The following PNPLA5 variants were observed in gnomAD, a reference collection of about 807,000 sequenced individuals.
PNPLA5 encodes the protein patatin-like phospholipase domain-containing protein 5.
Under a neutral mutation model 49.1 loss-of-function variants are expected in PNPLA5, and 44 were observed. That is an observed-to-expected ratio of 0.90 (90% CI 0.70 to 1.15). The LOEUF (loss-of-function observed/expected upper bound fraction) is 1.15. Ranked by LOEUF, PNPLA5 falls within the 50% of genes most tolerant of loss-of-function variation. The pLI, the probability that PNPLA5 is intolerant of heterozygous loss-of-function variation, is 0.00. For synonymous variants in PNPLA5, 243 were observed against 244.4 expected (o/e 0.99, Z 0.06); for missense variants, 603 against 564.0 (o/e 1.07, Z -0.70).
intron 2 of PNPLA5, chr22:43,890,150 CTCCT>C: frequency 1.1e-6 from 1 of 875,626 alleles, no homozygotes; most frequent in South Asian, 5.3e-5. Flanking sequence ...GTGGCCCAGA[CTCCT>C]TGCCTGTGTA....
rs1055516288 is a variant in PNPLA5, at chr22:43,891,725, C to A, written c.156G>T (p.Ala52=). 1.6e-5 allele frequency: 24 copies of A among 1,547,390 alleles called. No individual in the cohort carries two copies. The highest frequency in any genetic ancestry group is 1.9e-5 in the Non-Finnish European group (22 of 1,145,864). Residue 52 remains alanine (A), a synonymous_variant, in exon 1 of 9, where the codon GCG becomes GCT. Coordinates refer to ENST00000216177, the MANE Select transcript of PNPLA5 (RefSeq NM_138814.4). ...CGCAGACGATGCTGACTGCGTTGAG[C>A]GCCCCAGACGAGGAACCGTAGATGC... ...ARRIYGSSSG[A]LNAVSIVCGK...
chr22:43,880,743 CA>C lies in PNPLA5; in HGVS notation c.*51del. 1.6e-6 allele frequency: 2 copies of C among 1,280,604 alleles called. No homozygotes were observed. Among genetic ancestry groups the C allele is most frequent in the Non-Finnish European group, 2.0e-6 (2 of 1,007,524 alleles). 79.3% of individuals were successfully genotyped at this position (1,280,604 alleles called of 1,614,324 possible). A position where few individuals can be genotyped will look rare whatever the true frequency, so the allele number is the denominator to read the frequency against. Reference sequence around the variant, plus strand: ...AGATGTGGGCACACAGGACAAAGGCCAGAGCAGGAATCAAGGGACACCAGTC... The same window carrying C: ...AGATGTGGGCACACAGGACAAAGGCCGAGCAGGAATCAAGGGACACCAGTC... On this transcript the variant is annotated 3_prime_UTR_variant, in exon 9 of 9. Coordinates refer to ENST00000216177, the MANE Select transcript of PNPLA5 (RefSeq NM_138814.4).
intron 6 of PNPLA5, among the ~76,000 whole-genome samples, chr22:43,884,951 CAA>C (rs2049647112): frequency 6.6e-6 from 1 of 152,198 alleles, no homozygotes; most frequent in Admixed American, 6.5e-5. Context: ...CGGAGGATTA[CAA>C]GGATTCACAG....
chr22:43,881,702 C>T (rs980535290), intron 7 of PNPLA5, 28 bp from the exon 8 acceptor site: 34 of 1,609,222 alleles, frequency 2.1e-5, no homozygotes, highest in Non-Finnish European at 2.8e-5. Flanking sequence ...TCAGCTTTGC[C>T]CAGGTGAGCC....
chr22:43,884,193 G>A lies in PNPLA5; in HGVS notation c.1082+20C>T. 6.6e-7 allele frequency: 1 copy of A among 1,518,256 alleles called. No homozygotes were observed. Among genetic ancestry groups the A allele is most frequent in the Non-Finnish European group, 8.9e-7 (1 of 1,129,562 alleles). The allele number at this position is 1,518,256 out of a possible 1,614,324, so 94.0% of individuals were successfully genotyped here. A position where few individuals can be genotyped will look rare whatever the true frequency, so the allele number is the denominator to read the frequency against. ...CCGCCACAAGCCAGGCCCTTCCCAG[G>A]CCCCCTGGCCGAGCCTTACCTTCTG... On this transcript the variant is annotated intron_variant, in intron 7 of 8. Transcript: ENST00000216177.
chr22:43,891,508 T>C, intron 1 of PNPLA5, 180 bp downstream of exon 1: 1 of 869,346 alleles, frequency 1.2e-6, no homozygotes, highest in Non-Finnish European at 1.4e-6. Flanking sequence ...TGAGCCACGA[T>C]CCCTCCTCTG....
At chr22:43,883,584 C>T (rs1034254313) in intron 7 of PNPLA5, among the ~76,000 whole-genome samples, 4 of 152,036 alleles carry the variant, frequency 2.6e-5, no homozygotes, top group African/African-American at 9.7e-5. Flanking sequence ...GCGAGGCGGG[C>T]GGATTGCCTG....
chr22:43,891,112 C>G lies in PNPLA5; in HGVS notation c.376G>C (p.Gly126Arg), dbSNP rs200111581. The part of the protein sequence containing the change: ...LGISLTRWPD[G>R]RNFLVTDFAT... ...AAGTCAGTGACCAAGAAGTTGCGTCCGTCAGGCCAGCGGGTCAGCGAAATG... is the reference window on the plus strand; with the variant it reads ...AAGTCAGTGACCAAGAAGTTGCGTCGGTCAGGCCAGCGGGTCAGCGAAATG... The change falls in exon 2 of 9, where the codon GGA becomes CGA. Residue 126 changes from glycine to arginine, a missense_variant. Transcript: ENST00000216177. 3.2e-5 allele frequency: 52 copies of G among 1,610,112 alleles called. No individual in the cohort carries two copies. The highest frequency in any genetic ancestry group is 4.5e-5 in the East Asian group (2 of 44,660).
chr22:43,885,964 C>T (rs144004417), intron 6 of PNPLA5, among the ~76,000 whole-genome samples: 117 of 152,294 alleles, frequency 7.7e-4, no homozygotes, highest in Middle Eastern at 3.4e-3. Flanking sequence ...CCGCCCTTTC[C>T]GGGGCAGTGG....
chr22:43,888,937 T>C (rs1038309681), intron 4 of PNPLA5, among the ~76,000 whole-genome samples: 1 of 152,160 alleles, frequency 6.6e-6, no homozygotes, highest in Non-Finnish European at 1.5e-5. Context: ...CTGCTTCCAG[T>C]CTGTGTGACT....
At chr22:43,884,825 T>C (rs1485906806) in intron 6 of PNPLA5, among the ~76,000 whole-genome samples, 1 of 151,984 alleles carries the variant, frequency 6.6e-6, no homozygotes, top group Non-Finnish European at 1.5e-5. Flanking sequence ...CTGACCAGAG[T>C]GGAAGGGACC....
At position 43,880,855 on chromosome 22, in the gene PNPLA5, G is replaced by T. The variant is rs912483762; in HGVS notation, c.1230C>A (p.Ser410Arg). 2 of 1,339,906 alleles carry T rather than the reference G, an allele frequency of 1.5e-6. No individual in the cohort carries two copies. The highest frequency in any genetic ancestry group is 1.9e-6 in the Non-Finnish European group (2 of 1,037,544). The allele number at this position is 1,339,906 out of a possible 1,614,324, so 83.0% of individuals were successfully genotyped here. Residue 410 changes from serine (S) to arginine (R), a missense_variant, in exon 9 of 9, where the codon AGC becomes AGA. Physicochemically the swap from Ser to Arg is moderately radical, Grantham distance 110. Coordinates refer to ENST00000216177, the MANE Select transcript of PNPLA5 (RefSeq NM_138814.4). ...GAGGAGCTATCTGGGGTTGGAGGGGGCTTGTTTCCAGGACGCGAGTGGCCG... is the reference window on the plus strand; with the variant it reads ...GAGGAGCTATCTGGGGTTGGAGGGGTCTTGTTTCCAGGACGCGAGTGGCCG... ...SPPATRVLET[S>R]PLQPQIAPHR...
Position 43,887,582 on chromosome 22 carries a change from G to C in PNPLA5, c.763+9C>G. On this transcript the variant is annotated intron_variant, in intron 5 of 8. Transcript: ENST00000216177. ...CATGATCCCCAGCCACTGTGGGACT[G>C]CCACCTACCACGTCTCTCCAGGAAC... 6.2e-7 allele frequency: 1 copy of C among 1,609,792 alleles called. No individual in the cohort carries two copies. Among genetic ancestry groups the C allele is most frequent in the Non-Finnish European group, 8.5e-7 (1 of 1,177,974 alleles).
intron 7 of PNPLA5, among the ~76,000 whole-genome samples, chr22:43,883,691 G>C (rs2049632502): frequency 6.6e-6 from 1 of 151,992 alleles, no homozygotes; most frequent in African/African-American, 2.4e-5. Context: ...GGCACCTGTG[G>C]TCCCAGCTAC....
chr22:43,889,055 C>A (rs1359280295), intron 4 of PNPLA5, among the ~76,000 whole-genome samples: 1 of 152,230 alleles, frequency 6.6e-6, no homozygotes, highest in Admixed American at 6.5e-5. Context: ...CAGGCAAAGG[C>A]CCTGCTCAAA....
chr22:43,890,952 T>A, intron 2 of PNPLA5, 110 bp downstream of exon 2: 4 of 1,336,900 alleles, frequency 3.0e-6, no homozygotes, highest in Non-Finnish European at 4.1e-6. Context: ...CCACCCGCCC[T>A]CCCTCCTTCC....
At chr22:43,885,003 G>A (rs575080119) in intron 6 of PNPLA5, among the ~76,000 whole-genome samples, 4 of 152,356 alleles carry the variant, frequency 2.6e-5, no homozygotes, top group South Asian at 2.1e-4. Flanking sequence ...TCCACCTGCC[G>A]AGTGTCCTAG....
At chr22:43,885,140 G>T (rs943690030) in intron 6 of PNPLA5, among the ~76,000 whole-genome samples, 1 of 152,258 alleles carries the variant, frequency 6.6e-6, no homozygotes, top group African/African-American at 2.4e-5. Flanking sequence ...GCAGCGCCCA[G>T]GAGTTGGTGC....
At chr22:43,885,191 G>A (rs1046668446) in intron 6 of PNPLA5, among the ~76,000 whole-genome samples, 5 of 152,232 alleles carry the variant, frequency 3.3e-5, no homozygotes, top group African/African-American at 4.8e-5. Flanking sequence ...TGTGGCTACA[G>A]GTACACTGCC....
Sources: allele counts gnomAD v4.1 joint callset (sites outside exome capture counted in the v4.1 genomes callset), GRCh38; gene constraint gnomAD v4.1.1; transcripts MANE v1.5; gene names NCBI Gene and HGNC (gene_info 2026-07-23, HGNC 2026-07-21).